The following MGAT4C variants were observed in gnomAD, a reference collection of about 807,000 sequenced individuals.
MGAT4C encodes the protein MGAT4 family member C.
Under a neutral mutation model 40.1 loss-of-function variants are expected in MGAT4C, and 19 were observed. The ratio of observed to expected loss-of-function variants is 0.47; its 90% CI spans 0.33 to 0.70. The LOEUF (loss-of-function observed/expected upper bound fraction) is 0.70. Among genes scored for constraint, MGAT4C ranks in the 30% least tolerant of loss-of-function variants. The pLI, the probability that MGAT4C is intolerant of heterozygous loss-of-function variation, is 0.02. For synonymous variants in MGAT4C, 181 were observed against 187.1 expected, an observed-to-expected ratio of 0.97 and a Z score of 0.27; for missense variants, 491 against 563.2, an observed-to-expected ratio of 0.87 and a Z score of 1.30.
chr12:86,165,274 A>T (rs1357568087), intron 1 of MGAT4C, among the ~76,000 whole-genome samples: 3 of 152,172 alleles, frequency 2.0e-5, no homozygotes, highest in Admixed American at 6.5e-5. Context: ...TGTTGACAAC[A>T]TCACAAATAT....
At chr12:86,311,689 T>C (rs1954079047) in intron 4 of MGAT4C, among the ~76,000 whole-genome samples, 1 of 152,226 alleles carries the variant, frequency 6.6e-6, no homozygotes, top group African/African-American at 2.4e-5. Flanking sequence ...CTTTAAATTA[T>C]TACTAATTTT....
At chr12:86,036,792 A>G (rs1891278604) in intron 2 of MGAT4C, among the ~76,000 whole-genome samples, 1 of 149,838 alleles carries the variant, frequency 6.7e-6, no homozygotes, top group Non-Finnish European at 1.5e-5. Context: ...TGGAATTAGG[A>G]TGACCCTGGC....
chr12:85,988,330 T>C (rs1410636770), intron 3 of MGAT4C, among the ~76,000 whole-genome samples: 2 of 152,142 alleles, frequency 1.3e-5, no homozygotes, highest in East Asian at 3.8e-4. Context: ...TAGGAATATC[T>C]GTACCAACTA....
At chr12:86,831,038 G>A (rs377735875) in intron 1 of MGAT4C, among the ~76,000 whole-genome samples, 3 of 151,620 alleles carry the variant, frequency 2.0e-5, no homozygotes, top group African/African-American at 7.3e-5. Context: ...TTATTTTATG[G>A]GCATTTCTCC....
chr12:86,052,133 A>G (rs1365230789), intron 1 of MGAT4C, among the ~76,000 whole-genome samples: 1 of 151,778 alleles, frequency 6.6e-6, no homozygotes, highest in Non-Finnish European at 1.5e-5. Flanking sequence ...TAAGATAATT[A>G]TACATTTTTA....
intron 1 of MGAT4C, among the ~76,000 whole-genome samples, chr12:86,784,035 C>T (rs1951890694): frequency 6.6e-6 from 1 of 152,048 alleles, no homozygotes; most frequent in Admixed American, 6.5e-5. Context: ...ATATTAAGGT[C>T]TTGAACTTTT....
intron 2 of MGAT4C, among the ~76,000 whole-genome samples, chr12:86,660,411 G>A (rs1963952577): frequency 1.3e-5 from 2 of 152,136 alleles, no homozygotes; most frequent in South Asian, 4.1e-4. Context: ...AGGGAATGAA[G>A]TTAGTGAGTA....
At chr12:86,185,547 A>G (rs188867497) in intron 1 of MGAT4C, among the ~76,000 whole-genome samples, 1 of 152,242 alleles carries the variant, frequency 6.6e-6, no homozygotes, top group African/African-American at 2.4e-5. Context: ...ATAACAAACA[A>G]AAAAGAGCAT....
At chr12:86,704,519 T>G (rs923710754) in intron 2 of MGAT4C, among the ~76,000 whole-genome samples, 3 of 152,134 alleles carry the variant, frequency 2.0e-5, no homozygotes, top group Non-Finnish European at 4.4e-5. Context: ...GTTAACTTTA[T>G]GTGCTCATCA....
intron 2 of MGAT4C, among the ~76,000 whole-genome samples, chr12:86,580,055 C>T (rs1336970539): frequency 6.6e-6 from 1 of 151,386 alleles, no homozygotes; most frequent in Non-Finnish European, 1.5e-5. Flanking sequence ...GGTCTATAAT[C>T]TTCTTGTACT....
At chr12:86,078,066 T>C (rs1315602549) in intron 1 of MGAT4C, among the ~76,000 whole-genome samples, 1 of 152,172 alleles carries the variant, frequency 6.6e-6, no homozygotes, top group Non-Finnish European at 1.5e-5. Flanking sequence ...AAAATTTTGC[T>C]GGTGGATCAC....
At chr12:86,820,747 A>T (rs953387899) in intron 1 of MGAT4C, among the ~76,000 whole-genome samples, 3 of 150,892 alleles carry the variant, frequency 2.0e-5, no homozygotes, top group African/African-American at 7.3e-5. Context: ...ATTTAGTAAG[A>T]TTAGATTTTG....
At chr12:86,283,208 C>A (rs1023015074) in intron 4 of MGAT4C, among the ~76,000 whole-genome samples, 1 of 151,434 alleles carries the variant, frequency 6.6e-6, no homozygotes, top group Non-Finnish European at 1.5e-5. Flanking sequence ...AAAAAAAATT[C>A]TTCCAAATAG....
intron 4 of MGAT4C, among the ~76,000 whole-genome samples, chr12:86,317,482 G>C (rs554085356): frequency 6.6e-6 from 1 of 152,112 alleles, no homozygotes; most frequent in African/African-American, 2.4e-5. Context: ...ACATTGTTGA[G>C]ACATTTATAT....
intron 1 of MGAT4C, among the ~76,000 whole-genome samples, chr12:86,820,985 T>C (rs981125462): frequency 2.0e-5 from 3 of 150,952 alleles, no homozygotes; most frequent in Non-Finnish European, 3.0e-5. Context: ...AGTGTATTAG[T>C]ATATAAGAAA....
intron 2 of MGAT4C, among the ~76,000 whole-genome samples, chr12:86,662,328 C>T (rs1963998111): frequency 1.3e-5 from 2 of 152,168 alleles, no homozygotes; most frequent in Non-Finnish European, 2.9e-5. Flanking sequence ...AGCACATAGT[C>T]TTGGCATGGC....
chr12:86,021,443 A>G (rs977876965), intron 2 of MGAT4C, among the ~76,000 whole-genome samples: 6 of 151,956 alleles, frequency 3.9e-5, no homozygotes, highest in South Asian at 2.1e-4. Flanking sequence ...TTGTAGGGAC[A>G]TGGATGAAGC....
At chr12:86,182,713 T>C (rs1888262313) in intron 1 of MGAT4C, among the ~76,000 whole-genome samples, 2 of 152,284 alleles carry the variant, frequency 1.3e-5, no homozygotes, top group Admixed American at 6.5e-5. Context: ...ATAGCTTAGA[T>C]TGACATAAAG....
rs187083035 is a variant in MGAT4C at position 86,477,641 on chromosome 12, A to C, written c.-228-42376T>G. Among the ~76,000 whole-genome samples the C allele has an allele frequency of 1.8e-3, 267 of 152,262 alleles. 2 individuals are homozygous for C. The highest frequency in any genetic ancestry group is 6.1e-3 in the African/African-American group (253 of 41,558). ...TTTGAGTTCTAGGGTACATGTGCAC[A>C]ACGTGCAGGTTTGTTACATATGTAT... On this transcript the variant is annotated intron_variant, in intron 2 of 7. Transcript: ENST00000548651.
Sources: gnomAD v4.1 joint callset for allele counts (sites outside exome capture counted in the v4.1 genomes callset) on GRCh38, gnomAD v4.1.1 for gene constraint, MANE v1.5 for transcripts, NCBI Gene and HGNC (gene_info 2026-07-23, HGNC 2026-07-21) for gene names.